Variants in LHX5 observed in about 807,000 individuals in gnomAD.
LHX5 encodes LIM/homeobox protein Lhx5.
LHX5 carries 5 observed loss-of-function variants against 30.6 expected under a neutral mutation model. The observed-to-expected ratio is 0.16, with a 90% CI of 0.09 to 0.34. The LOEUF (loss-of-function observed/expected upper bound fraction) is 0.34, where lower values mean the gene tolerates loss of function less well. Ranked by LOEUF, LHX5 falls within the 10% of genes least tolerant of loss-of-function variation. LHX5 has a pLI of 1.00. For missense variants in LHX5, 458 were observed against 570.6 expected, an observed-to-expected ratio of 0.80 and a Z score of 2.01; for synonymous variants, 266 against 252.6, an observed-to-expected ratio of 1.05 and a Z score of -0.50.
At chr12:113,471,083 C>T (rs1958247351) in intron 1 of LHX5, among the ~76,000 whole-genome samples, 1 of 152,214 alleles carries the variant, frequency 6.6e-6, no homozygotes. Context: ...CCCTCTGCCC[C>T]GCCAGCGCTC....
chr12:113,463,544 G>C lies in LHX5; in HGVS notation c.855C>G (p.Asp285Glu). 1 of 1,549,194 alleles carries C rather than the reference G, an allele frequency of 6.5e-7. No individual in the cohort carries two copies. The highest frequency in any genetic ancestry group is 8.7e-7 in the Non-Finnish European group (1 of 1,155,520). Residue 285 changes from aspartate (D) to glutamate (E), a missense_variant, in exon 5 of 5, where the codon GAC (aspartate) becomes GAG (glutamate). Transcript: ENST00000261731. This position sits in a 1 kb window ranked among gnomAD's most constrained non-coding sequence, Gnocchi z 6.7. ...PYTYYGDYQG[D>E]YYAPGSNYDF... ...CGTAGTTGCTTCCCGGCGCGTAGTA[G>C]TCGCCTTGGTAGTCTGCGGAGGGGG...
At position 113,463,276 on chromosome 12, in the gene LHX5, G is replaced by C. The variant is rs1240781011; in HGVS notation, c.1123C>G (p.Pro375Ala). ...PGEVFSGGPS[P>A]PFPMSGTSGY... ...CTGGTGCCGCTCATTGGGAAGGGCG[G>C]GCTGGGCCCGCCGCTGAATACCTCG... The change falls in exon 5 of 5, where the codon CCG becomes GCG. Residue 375 changes from proline (P) to alanine (A), a missense_variant. By Grantham distance (27) the Pro-to-Ala change is conservative. Coordinates refer to ENST00000261731, the MANE Select transcript of LHX5 (RefSeq NM_022363.3). The surrounding 1 kb of genome is among the most constrained non-coding windows in gnomAD (Gnocchi z 6.7). 3 of 1,525,290 alleles carry C rather than the reference G, an allele frequency of 2.0e-6. No individual in the cohort carries two copies. Among genetic ancestry groups the C allele is most frequent in the Non-Finnish European group, 2.6e-6 (3 of 1,140,456 alleles). The allele number at this position is 1,525,290 out of a possible 1,614,324, so 94.5% of individuals were successfully genotyped here.
chr12:113,463,397 G>A lies in LHX5; in HGVS notation c.1002C>T (p.His334=). ...GALEPPLAGP[H]AADNPRFTDM... is the part of the protein sequence containing the mutation. The stretch of plus-strand genomic sequence containing the variant: ...CGGTGAACCTGGGGTTGTCCGCGGC[G>A]TGCGGGCCGGCGAGCGGCGGTTCCA... Residue 334 remains histidine (H), a synonymous_variant, in exon 5 of 5, where the codon CAC becomes CAT. Transcript: ENST00000261731. The surrounding 1 kb of genome is among the most constrained non-coding windows in gnomAD (Gnocchi z 6.7). 2 of 1,555,164 alleles carry A rather than the reference G, an allele frequency of 1.3e-6. No homozygotes were observed. Among genetic ancestry groups the A allele is most frequent in the South Asian group, 1.2e-5 (1 of 84,702 alleles).
chr12:113,469,919 A>G (rs1797581400), intron 1 of LHX5, among the ~76,000 whole-genome samples: 4 of 152,308 alleles, frequency 2.6e-5, no homozygotes, highest in African/African-American at 7.2e-5. Context: ...AGGCTTTCCA[A>G]TCCACCGCTC....
intron 2 of LHX5, 106 bp from the exon 3 acceptor site, chr12:113,468,510 C>A (rs1298263472): frequency 5.2e-6 from 7 of 1,355,190 alleles, no homozygotes; most frequent in Non-Finnish European, 7.0e-6. Context: ...CCTGCCCAGG[C>A]TACGGCCAGC....
intron 1 of LHX5, among the ~76,000 whole-genome samples, chr12:113,469,925 C>A (rs112638163): frequency 2.6e-5 from 4 of 152,250 alleles, no homozygotes; most frequent in African/African-American, 9.6e-5. Flanking sequence ...TCCAATCCAC[C>A]GCTCTGGGAC....
rs1319772373 is a variant in LHX5, at chr12:113,467,385, T to A, written c.712A>T (p.Met238Leu). 6.3e-7 allele frequency: 1 copy of A among 1,579,292 alleles called. No individual in the cohort carries two copies. Among genetic ancestry groups the A allele is most frequent in the Non-Finnish European group, 8.6e-7 (1 of 1,157,436 alleles). ...FQNRRSKERR[M>L]KQLSALGARR... ...GCGCCTAGGGCGCTCAGCTGTTTCA[T>A]CCGGCGTTCTTTGGACCGTCGGTTC... The change falls in exon 4 of 5, where the codon ATG becomes TTG. Residue 238 changes from methionine (M) to leucine (L), a missense_variant. Met to Leu is a conservative substitution (Grantham distance 15, BLOSUM62 2). Coordinates refer to ENST00000261731, the MANE Select transcript of LHX5 (RefSeq NM_022363.3). The surrounding 1 kb of genome is among the most constrained non-coding windows in gnomAD (Gnocchi z 6.3).
chr12:113,468,523 C>G (rs1958228408), intron 2 of LHX5, 119 bp from the exon 3 acceptor site: 2 of 1,263,836 alleles, frequency 1.6e-6, no homozygotes, highest in Non-Finnish European at 2.1e-6. Context: ...CGGCCAGCCC[C>G]GCTGGATTCC....
Position 113,471,604 on chromosome 12 carries a change from C to T in LHX5, c.-106G>A. ...CCTTCGCCTCTTGTCTCAGCAGCTGCAGGGCGAGTCTGGTCCGGACCAAGA... is the reference window on the plus strand; with the variant it reads ...CCTTCGCCTCTTGTCTCAGCAGCTGTAGGGCGAGTCTGGTCCGGACCAAGA... On this transcript the variant is annotated 5_prime_UTR_variant, in exon 1 of 5. Coordinates refer to ENST00000261731, the MANE Select transcript of LHX5 (RefSeq NM_022363.3). 9.1e-7 allele frequency: 1 copy of T among 1,099,450 alleles called. No individual in the cohort carries two copies. The highest frequency in any genetic ancestry group is 1.3e-6 in the Non-Finnish European group (1 of 778,736). The allele number at this position is 1,099,450 out of a possible 1,614,324, so 68.1% of individuals were successfully genotyped here. A position where few individuals can be genotyped will look rare whatever the true frequency, so the allele number is the denominator to read the frequency against.
Position 113,465,420 on chromosome 12 carries a change from CA to C in LHX5, c.841+1835del, listed in dbSNP as rs988171420. 1.7e-4 allele frequency among the ~76,000 whole-genome samples: 26 copies of C among 152,324 alleles called. No individual in the cohort carries two copies. In the Middle Eastern group the frequency reaches 0.01, roughly 60 times the overall value. On this transcript the variant is annotated intron_variant, in intron 4 of 4. Transcript: ENST00000261731. This position sits in a 1 kb window ranked among gnomAD's most constrained non-coding sequence, Gnocchi z 6.7. ...GAACAAACGCCGTCTGAAAAGGGCACAAAAGCCGCAGCTGGGGCTTTGTCCG... is the reference window on the plus strand; with the variant it reads ...GAACAAACGCCGTCTGAAAAGGGCACAAAGCCGCAGCTGGGGCTTTGTCCG...
chr12:113,463,727 C>T lies in LHX5; in HGVS notation c.842-170G>A, dbSNP rs1234995076. Among the ~76,000 whole-genome samples, 1 of 152,062 alleles carries T rather than the reference C, an allele frequency of 6.6e-6. No homozygotes were observed. The highest frequency in any genetic ancestry group is 6.5e-5 in the Admixed American group (1 of 15,284). ...CGGCGCCCCTTGAGACGGTGGACGT[C>T]GCAGGCTCACGGGGAGGGTTGGGGA... On this transcript the variant is annotated intron_variant, in intron 4 of 4. Coordinates refer to ENST00000261731, the MANE Select transcript of LHX5 (RefSeq NM_022363.3). This position sits in a 1 kb window ranked among gnomAD's most constrained non-coding sequence, Gnocchi z 6.7.
In LHX5 at chr12:113,466,334, G is replaced by C. The variant is rs1177712161; in HGVS notation, c.841+922C>G. ...GCTCAAGCAATGCGGCTCAGGGTAA[G>C]GAGCTGAAAAAATCGGATAGGGGGA... On this transcript the variant is annotated intron_variant, in intron 4 of 4. Coordinates refer to ENST00000261731, the MANE Select transcript of LHX5 (RefSeq NM_022363.3). The surrounding 1 kb of genome is among the most constrained non-coding windows in gnomAD (Gnocchi z 6.5). Among the ~76,000 whole-genome samples the C allele has an allele frequency of 1.3e-5, 2 of 152,188 alleles. No homozygotes were observed. Among genetic ancestry groups the C allele is most frequent in the Non-Finnish European group, 2.9e-5 (2 of 68,028 alleles).
In LHX5 at chr12:113,465,908, C is replaced by T. The variant is rs953535242; in HGVS notation, c.841+1348G>A. ...GGTTGGGGGGCTGTCCAGGGTTGGGCGGCTGGGGCGCTCCAGCCTGAGCCC... is the reference window on the plus strand; with the variant it reads ...GGTTGGGGGGCTGTCCAGGGTTGGGTGGCTGGGGCGCTCCAGCCTGAGCCC... On this transcript the variant is annotated intron_variant, in intron 4 of 4. Transcript: ENST00000261731. This position sits in a 1 kb window ranked among gnomAD's most constrained non-coding sequence, Gnocchi z 6.7. Among the ~76,000 whole-genome samples, 1 of 152,026 alleles carries T rather than the reference C, an allele frequency of 6.6e-6. No homozygotes were observed. Among genetic ancestry groups the T allele is most frequent in the Non-Finnish European group, 1.5e-5 (1 of 67,984 alleles).
rs1289407363 is a variant in LHX5 at position 113,471,380 on chromosome 12, G to A, written c.119C>T (p.Ser40Leu). 17 of 1,614,096 alleles carry A rather than the reference G, an allele frequency of 1.1e-5. No individual in the cohort carries two copies. The highest frequency in any genetic ancestry group is 1.3e-5 in the Non-Finnish European group (15 of 1,179,956). The change falls in exon 1 of 5, where the codon TCG (serine) becomes TTG (leucine). Residue 40 changes from serine (S) to leucine (L), a missense_variant. By Grantham distance (145) the Ser-to-Leu change is moderately radical. This residue lies in a region of LHX5 where 178 missense variants were observed against 238.5 expected (regional missense o/e 0.75). Coordinates refer to ENST00000261731, the MANE Select transcript of LHX5 (RefSeq NM_022363.3). The part of the protein sequence containing the change: ...VQCCECKTNL[S>L]EKCFSREGKL... ...GCCCTCGCGCGAGAAGCACTTCTCC[G>A]AGAGGTTGGTTTTGCACTCGCAGCA...
chr12:113,468,498 G>C (rs1005773104), intron 2 of LHX5, 94 bp from the exon 3 acceptor site: 15 of 1,410,022 alleles, frequency 1.1e-5, no homozygotes, highest in Admixed American at 9.5e-5. Context: ...CCCAAGCTAC[G>C]GCCTGCCCAG....
chr12:113,470,826 G>A (rs1958245111), intron 1 of LHX5, among the ~76,000 whole-genome samples: 1 of 152,232 alleles, frequency 6.6e-6, no homozygotes, highest in Admixed American at 6.5e-5. Flanking sequence ...GGGTGGGGGA[G>A]GTTCTCTCCT....
chr12:113,466,753 C>G lies in LHX5; in HGVS notation c.841+503G>C, dbSNP rs1037065765. Among the ~76,000 whole-genome samples the G allele has an allele frequency of 1.3e-5, 2 of 152,164 alleles. No individual in the cohort carries two copies. Among genetic ancestry groups the G allele is most frequent in the African/African-American group, 4.8e-5 (2 of 41,442 alleles). On this transcript the variant is annotated intron_variant, in intron 4 of 4. Transcript: ENST00000261731. The surrounding 1 kb of genome is among the most constrained non-coding windows in gnomAD (Gnocchi z 6.5). The stretch of plus-strand genomic sequence containing the variant: ...CCCCTCCCCTCACACTACCCTCCAG[C>G]GCTCGGAATCCACCTCATGCCAAGT...
In LHX5 at chr12:113,462,879, A is replaced by C; in HGVS notation, c.*311T>G. 1.4e-5 allele frequency: 3 copies of C among 218,546 alleles called. No individual in the cohort carries two copies. Among genetic ancestry groups the C allele is most frequent in the Non-Finnish European group, 2.7e-5 (3 of 111,590 alleles). The allele number at this position is 218,546 out of a possible 1,614,324, so 13.5% of individuals were successfully genotyped here. On this transcript the variant is annotated 3_prime_UTR_variant, in exon 5 of 5. Transcript: ENST00000261731. ...TGGGTGGGTGGGTGGGGGCCCGGGG[A>C]AAGTCTAGAGCGTGCTCGAAATCTC...
At position 113,467,286 on chromosome 12, in the gene LHX5, A is replaced by C; in HGVS notation, c.811T>G (p.Leu271Val). The C allele has an allele frequency of 2.0e-6, 3 of 1,533,498 alleles. No homozygotes were observed. In the South Asian group the frequency reaches 3.6e-5, roughly 19 times the overall value. The allele number at this position is 1,533,498 out of a possible 1,614,324, so 95.0% of individuals were successfully genotyped here. A position where few individuals can be genotyped will look rare whatever the true frequency, so the allele number is the denominator to read the frequency against. ...LGGRLDESEM[L>V]GSTPYTYYGD... ...TAGTAGGTGTACGGGGTGGACCCCA[A>C]CATCTCAGACTCGTCCAAGCGGCCG... is the stretch of plus-strand genomic sequence containing the variant. Residue 271 changes from leucine to valine, a missense_variant, in exon 4 of 5, where the codon TTG becomes GTG. This residue lies in a region of LHX5 where 255 missense variants were observed against 246.8 expected (regional missense o/e 1.03). Coordinates refer to ENST00000261731, the MANE Select transcript of LHX5 (RefSeq NM_022363.3). This position sits in a 1 kb window ranked among gnomAD's most constrained non-coding sequence, Gnocchi z 6.3.
Sources: gnomAD v4.1 joint callset for allele counts (sites outside exome capture counted in the v4.1 genomes callset) on GRCh38, gnomAD v4.1.1 for gene constraint, gnomAD v4.1.1 regional missense constraint, Gnocchi (gnomAD v3.1) non-coding constraint, MANE v1.5 for transcripts, NCBI Gene and HGNC (gene_info 2026-07-23, HGNC 2026-07-21) for gene names.